TMEM67: variants seen among roughly 807,000 people sequenced by gnomAD.
TMEM67 encodes the protein meckelin.
Under a neutral mutation model 136.6 loss-of-function variants are expected in TMEM67, and 124 were observed. That is an observed-to-expected ratio of 0.91 (90% CI 0.78 to 1.05). TMEM67 has a LOEUF of 1.05. TMEM67 is among the 50% of genes least tolerant of loss of function. The probability of loss-of-function intolerance (pLI) is 0.00; values close to 1 mark genes in which losing one functional copy is unlikely to be tolerated. For missense variants in TMEM67, 1,107 were observed against 1,178.4 expected (o/e 0.94, Z 0.89); for synonymous variants, 364 against 390.5 (o/e 0.93, Z 0.80).
At position 93,759,302 on chromosome 8, in the gene TMEM67, TA is replaced by T. The variant is rs11381965; in HGVS notation, c.406+737del. 7.1e-4 allele frequency: 105 copies of T among 147,150 alleles called. 1 individual carries two copies. Among genetic ancestry groups the T allele is most frequent in the Non-Finnish European group, 1.1e-3 (75 of 66,620 alleles). 9.1% of individuals were successfully genotyped at this position (147,150 alleles called of 1,614,324 possible). A position where few individuals can be genotyped will look rare whatever the true frequency, so the allele number is the denominator to read the frequency against. On this transcript the variant is annotated intron_variant, in intron 3 of 27. Coordinates refer to ENST00000453321, the MANE Select transcript of TMEM67 (RefSeq NM_153704.6). ...CATGGTGAAACCGCATCTCTACAAA[TA>T]AAAAAAAAAATTATTTGGTTACGGT...
chr8:93,808,480 T>A (rs1217169420), intron 23 of TMEM67, among the ~76,000 whole-genome samples: 2 of 139,990 alleles, frequency 1.4e-5, no homozygotes, highest in Non-Finnish European at 3.0e-5. Context: ...TTATAGATAT[T>A]TATCTATAAT....
At chr8:93,805,489 C>CAGG (rs1815100142) in intron 23 of TMEM67, among the ~76,000 whole-genome samples, 2 of 150,100 alleles carry the variant, frequency 1.3e-5, no homozygotes, top group African/African-American at 2.5e-5. Context: ...GAGGCTGAGG[C>CAGG]AGAATGGCAT....
Position 93,780,877 on chromosome 8 carries a change from A to G in TMEM67, c.873A>G (p.Arg291=). ...LSTVHSISFW[R]QNLPWLFYGD... is the part of the protein sequence containing the mutation. ...AAACAGTTGTAACTGTTTATAGGAG[A>G]CAGAATCTTCCTTGGCTGTTTTATG... Residue 291 remains arginine (R), a synonymous_variant, in exon 9 of 28, where the codon AGA becomes AGG. Transcript: ENST00000453321. The G allele has an allele frequency of 6.2e-7, 1 of 1,610,456 alleles. No homozygotes were observed. Among genetic ancestry groups the G allele is most frequent in the Non-Finnish European group, 8.5e-7 (1 of 1,178,102 alleles).
intron 6 of TMEM67, among the ~76,000 whole-genome samples, chr8:93,770,902 C>G (rs1002945004): frequency 6.6e-6 from 1 of 151,946 alleles, no homozygotes; most frequent in Non-Finnish European, 1.5e-5. Context: ...GTAACCCCAG[C>G]TACTCAGGAG....
At chr8:93,768,661 G>C (rs1044272116) in intron 6 of TMEM67, among the ~76,000 whole-genome samples, 2 of 152,104 alleles carry the variant, frequency 1.3e-5, no homozygotes, top group African/African-American at 4.8e-5. Context: ...TAATTCTTAA[G>C]CAATACTTCA....
intron 11 of TMEM67, 26 bp downstream of exon 11, chr8:93,782,486 A>G (rs1311193879): frequency 1.3e-6 from 2 of 1,565,372 alleles, no homozygotes; most frequent in Non-Finnish European, 8.8e-7. Flanking sequence ...ATTAGTCTAT[A>G]TTTTAGCTTT....
chr8:93,830,650 T>C, the TMEM67 span, among the ~76,000 whole-genome samples: 1 of 152,358 alleles, frequency 6.6e-6, no homozygotes, highest in East Asian at 1.9e-4. Context: ...TGTGTGTTGA[T>C]TGTTGTAAGA....
At chr8:93,761,698 G>C (rs1812842923) in intron 3 of TMEM67, among the ~76,000 whole-genome samples, 2 of 152,140 alleles carry the variant, frequency 1.3e-5, no homozygotes, top group South Asian at 4.1e-4. Context: ...AGAAATCTAA[G>C]ATATATTGAG....
rs749177470 is a variant in TMEM67 at position 93,782,490 on chromosome 8, T to C, written c.1131+30T>C. 3.8e-6 allele frequency: 6 copies of C among 1,559,894 alleles called. No individual in the cohort carries two copies. The Admixed American group carries it at 1.0e-4, about 26-fold the overall frequency. On this transcript the variant is annotated intron_variant, in intron 11 of 27. Transcript: ENST00000453321. ...GTTTGAACGATATTAGTCTATATTT[T>C]AGCTTTATTTTTCAAAATATCATGT...
chr8:93,808,832 C>A lies in TMEM67; in HGVS notation c.2440-8C>A. 1.3e-6 allele frequency: 2 copies of A among 1,576,674 alleles called. No individual in the cohort carries two copies. The highest frequency in any genetic ancestry group is 8.7e-7 in the Non-Finnish European group (1 of 1,146,716). On this transcript the variant is annotated splice_region_variant and splice_polypyrimidine_tract_variant and intron_variant, in intron 23 of 27. Transcript: ENST00000453321. ...TTTGATCTTAACTTAAATTCTTTAA[C>A]TTTTCAGGAAAATTTGTGTAGCCAG...
intron 7 of TMEM67, 88 bp from the exon 8 acceptor site, chr8:93,780,505 A>T: frequency 6.7e-7 from 1 of 1,492,876 alleles, no homozygotes; most frequent in Non-Finnish European, 9.3e-7. Context: ...ATCTTGGAAC[A>T]GACCTGCACA....
intron 7 of TMEM67, among the ~76,000 whole-genome samples, chr8:93,773,295 T>C (rs977798103): frequency 5.9e-5 from 9 of 151,772 alleles, no homozygotes; most frequent in African/African-American, 2.2e-4. Context: ...GCAGGGAAAG[T>C]GGAGTGGAGA....
chr8:93,814,584 A>G (rs1286680667), intron 26 of TMEM67, among the ~76,000 whole-genome samples: 2 of 151,176 alleles, frequency 1.3e-5, no homozygotes, highest in African/African-American at 2.4e-5. Context: ...CTCCCATCTC[A>G]GCTTCCCAAA....
At chr8:93,815,185 T>C (rs939455377) in intron 26 of TMEM67, 120 bp from the exon 27 acceptor site, 15 of 636,718 alleles carry the variant, frequency 2.4e-5, no homozygotes, top group Non-Finnish European at 3.2e-5. Context: ...CATGAAGTAT[T>C]GTATACAGTA....
chr8:93,767,457 C>T (rs1208971983), intron 6 of TMEM67, among the ~76,000 whole-genome samples: 3 of 152,184 alleles, frequency 2.0e-5, no homozygotes, highest in East Asian at 1.9e-4. Context: ...CATTGTTGAA[C>T]CACTACTGTG....
At chr8:93,815,003 A>G (rs1230606024) in intron 26 of TMEM67, among the ~76,000 whole-genome samples, 2 of 152,204 alleles carry the variant, frequency 1.3e-5, no homozygotes, top group Non-Finnish European at 1.5e-5. Flanking sequence ...TTTTAGTTGT[A>G]TAAAGAAATA....
downstream of TMEM67, among the ~76,000 whole-genome samples, chr8:93,823,838 CTT>C (rs80228066): frequency 1.5e-4 from 22 of 142,376 alleles, no homozygotes; most frequent in Admixed American, 2.1e-4. Flanking sequence ...AAGATTTTGT[CTT>C]TTTTTTTTTT....
intron 18 of TMEM67, among the ~76,000 whole-genome samples, chr8:93,796,320 G>C (rs1161078602): frequency 6.6e-6 from 1 of 152,016 alleles, no homozygotes; most frequent in Non-Finnish European, 1.5e-5. Flanking sequence ...ATTAATCAAG[G>C]GTAAAAGGTA....
At position 93,799,645 on chromosome 8, in the gene TMEM67, A is replaced by G. The variant is rs112261772; in HGVS notation, c.2128A>G (p.Met710Val). The G allele has an allele frequency of 7.4e-6, 12 of 1,613,992 alleles. No individual in the cohort carries two copies. The highest frequency in any genetic ancestry group is 9.3e-6 in the Non-Finnish European group (11 of 1,179,932). ...TGTGGGATTCAAGAACTTAGCATTAATGGACTCATCTTCTAGTCTTTCTAG... is the reference window on the plus strand; with the variant it reads ...TGTGGGATTCAAGAACTTAGCATTAGTGGACTCATCTTCTAGTCTTTCTAG... ...EVVGFKNLAL[M>V]DSSSSLSRNP... Residue 710 changes from methionine to valine, a missense_variant, in exon 21 of 28, where the codon ATG becomes GTG. Around this residue, in one of 3 missense-constraint regions of TMEM67, gnomAD observed 925 missense variants for 1,002.4 expected, o/e 0.92. Transcript: ENST00000453321.
Sources: gnomAD v4.1 joint callset for allele counts (sites outside exome capture counted in the v4.1 genomes callset) on GRCh38, gnomAD v4.1.1 for gene constraint, gnomAD v4.1.1 regional missense constraint, MANE v1.5 for transcripts, NCBI Gene and HGNC (gene_info 2026-07-23, HGNC 2026-07-21) for gene names.